Variants in OR1L8 observed in about 807,000 individuals in gnomAD.
OR1L8 encodes the protein olfactory receptor family 1 subfamily L member 8.
For missense variants in OR1L8, 330 were observed against 377.4 expected (o/e 0.87, Z 1.04); for synonymous variants, 148 against 147.0 (o/e 1.01, Z -0.05).
At chr9:122,558,007 G>A in the OR1L8 span, among the ~76,000 whole-genome samples, 5 of 151,758 alleles carry the variant, frequency 3.3e-5, no homozygotes, top group African/African-American at 1.2e-4. Context: ...ATTTGTTCAT[G>A]GTATTCCTTT....
chr9:122,559,927 G>A, the OR1L8 span, among the ~76,000 whole-genome samples: 3 of 152,166 alleles, frequency 2.0e-5, no homozygotes, highest in South Asian at 4.2e-4. Context: ...TTGACAGTGG[G>A]GTGTTAAAGT....
chr9:122,580,006 C>T (rs997842800), intron 1 of OR1L8, among the ~76,000 whole-genome samples: 10 of 152,114 alleles, frequency 6.6e-5, no homozygotes, highest in African/African-American at 2.4e-4. Context: ...AAGAGCTTAT[C>T]GGTGCAACTG....
chr9:122,580,439 C>T lies in OR1L8; in HGVS notation c.-599-1994G>A, dbSNP rs187199727. Among the ~76,000 whole-genome samples the T allele has an allele frequency of 1.6e-3, 240 of 152,246 alleles. 1 individual carries two copies. Among genetic ancestry groups the T allele is most frequent in the Admixed American group, 5.2e-3 (80 of 15,292 alleles). On this transcript the variant is annotated intron_variant, in intron 1 of 4. Coordinates refer to ENST00000641027, the MANE Select transcript of OR1L8 (RefSeq NM_001004454.2). ...CCATTGAATAATAACCTTTCTGTTTCCCTTAGTTGATAGGTCTAATCTGTA... is the reference window on the plus strand; with the variant it reads ...CCATTGAATAATAACCTTTCTGTTTTCCTTAGTTGATAGGTCTAATCTGTA...
rs10985702 is a variant in OR1L8 at position 122,567,905 on chromosome 9, A to T, written c.573T>A (p.Ser191=). ...DLSPVLKLSC[S]SIFVNEIVQM... ...GCACAATTTCATTGACAAATATGGA[A>T]GAGCAGGACAATTTCAGCACAGGGC... Residue 191 remains serine (S), a synonymous_variant, in exon 5 of 5, where the codon TCT becomes TCA. Coordinates refer to ENST00000641027, the MANE Select transcript of OR1L8 (RefSeq NM_001004454.2). 7.4e-6 allele frequency: 12 copies of T among 1,613,636 alleles called. No homozygotes were observed. Among genetic ancestry groups the T allele is most frequent in the South Asian group, 2.2e-5 (2 of 91,046 alleles).
At chr9:122,562,666 C>T (rs1829371982), downstream of OR1L8, among the ~76,000 whole-genome samples, 1 of 152,140 alleles carries the variant, frequency 6.6e-6, no homozygotes, top group South Asian at 2.1e-4. Context: ...CTGGTGACAG[C>T]ACCTGGATAC....
the OR1L8 span, among the ~76,000 whole-genome samples, chr9:122,558,067 C>G: frequency 6.6e-6 from 1 of 151,622 alleles, no homozygotes; most frequent in African/African-American, 2.4e-5. Context: ...TTATTCATTT[C>G]TGATATTAGT....
At chr9:122,566,566 T>TA (rs778708353), downstream of OR1L8, among the ~76,000 whole-genome samples, 11 of 152,220 alleles carry the variant, frequency 7.2e-5, no homozygotes, top group Non-Finnish European at 1.6e-4. Flanking sequence ...TGCATATAGT[T>TA]ACACTTTATG....
At chr9:122,564,274 T>G (rs1829397218), downstream of OR1L8, among the ~76,000 whole-genome samples, 1 of 152,172 alleles carries the variant, frequency 6.6e-6, no homozygotes, top group South Asian at 2.1e-4. Flanking sequence ...TGTGGTTATT[T>G]CCTCAATTCT....
the OR1L8 span, chr9:122,553,393 C>A: frequency 1.9e-6 from 3 of 1,614,168 alleles, no homozygotes; most frequent in South Asian, 3.3e-5. Flanking sequence ...CTCCATACTC[C>A]CATGTACTTC....
At chr9:122,580,875 C>T (rs1829731243) in intron 1 of OR1L8, among the ~76,000 whole-genome samples, 1 of 152,054 alleles carries the variant, frequency 6.6e-6, no homozygotes, top group Admixed American at 6.6e-5. Flanking sequence ...TCCCAAGTAA[C>T]TACTATAATG....
the OR1L8 span, among the ~76,000 whole-genome samples, chr9:122,551,430 A>T: frequency 6.6e-6 from 1 of 152,118 alleles, no homozygotes; most frequent in Non-Finnish European, 1.5e-5. Context: ...TTTTGAGGGT[A>T]TTGTTTCCAT....
rs1829749725 is a variant in OR1L8, at chr9:122,582,515, G to C, written c.-600+806C>G. 2.0e-5 allele frequency among the ~76,000 whole-genome samples: 3 copies of C among 151,872 alleles called. No homozygotes were observed. In the South Asian group the frequency reaches 6.3e-4, roughly 32 times the overall value. On this transcript the variant is annotated intron_variant, in intron 1 of 4. Transcript: ENST00000641027. ...AGGATCACTTGAGTTCGGGAGTTTG[G>C]GGCCAGCATGGGCAACATAGCAAGA... is the stretch of plus-strand genomic sequence containing the variant.
intron 2 of OR1L8, among the ~76,000 whole-genome samples, chr9:122,577,388 T>C (rs1829676089): frequency 6.6e-6 from 1 of 152,206 alleles, no homozygotes; most frequent in African/African-American, 2.4e-5. Flanking sequence ...GTTTTACACA[T>C]ATGACCTCCA....
intron 1 of OR1L8, among the ~76,000 whole-genome samples, chr9:122,581,845 G>A (rs1165852497): frequency 2.0e-5 from 3 of 152,110 alleles, no homozygotes; most frequent in African/African-American, 7.2e-5. Context: ...CCAAAAGGTG[G>A]AGGTTGCAGT....
At chr9:122,557,049 A>G in the OR1L8 span, among the ~76,000 whole-genome samples, 5 of 152,134 alleles carry the variant, frequency 3.3e-5, no homozygotes, top group Non-Finnish European at 7.4e-5. Context: ...CATTGCTGCT[A>G]TGTAAGAGAG....
At chr9:122,563,471 G>A (rs1259723391), downstream of OR1L8, among the ~76,000 whole-genome samples, 1 of 151,768 alleles carries the variant, frequency 6.6e-6, no homozygotes, top group Non-Finnish European at 1.5e-5. Flanking sequence ...TTTTTTTGTT[G>A]TTATCGAGAC....
At chr9:122,565,203 T>A (rs919721341), downstream of OR1L8, among the ~76,000 whole-genome samples, 1 of 152,130 alleles carries the variant, frequency 6.6e-6, no homozygotes, top group African/African-American at 2.4e-5. Context: ...GATCAGGGAT[T>A]TGGAAGCAAC....
intron 1 of OR1L8, among the ~76,000 whole-genome samples, chr9:122,582,325 T>C (rs767065372): frequency 3.2e-4 from 48 of 152,254 alleles, no homozygotes; most frequent in African/African-American, 1.1e-3. Flanking sequence ...TACGTTGGAA[T>C]TAGGTAAAAG....
intron 2 of OR1L8, 138 bp downstream of exon 2, chr9:122,578,186 C>T (rs1418178928): frequency 6.6e-6 from 1 of 152,228 alleles, no homozygotes; most frequent in African/African-American, 2.4e-5. Context: ...TGCAGTGGCT[C>T]ACGCCTATAA....
Sources: allele counts gnomAD v4.1 joint callset (sites outside exome capture counted in the v4.1 genomes callset), GRCh38; gene constraint gnomAD v4.1.1; transcripts MANE v1.5; gene names NCBI Gene and HGNC (gene_info 2026-07-23, HGNC 2026-07-21).